The following RPAP1 variants were observed in gnomAD, a reference collection of about 807,000 sequenced individuals.
RPAP1 encodes the protein RNA polymerase II associated protein 1.
In RPAP1, 109 loss-of-function variants were observed where a neutral mutation model predicts 142.4. The ratio of observed to expected loss-of-function variants is 0.77; its 90% CI spans 0.66 to 0.90. RPAP1 has a LOEUF of 0.90. Ranked by LOEUF, RPAP1 falls within the 40% of genes least tolerant of loss-of-function variation. RPAP1 has a pLI of 0.00. For synonymous variants in RPAP1, 704 were observed against 738.9 expected (o/e 0.95, Z 0.77); for missense variants, 1,546 against 1,751.7 (o/e 0.88, Z 2.10).
chr15:41,517,906 A>C, intron 23 of RPAP1, 49 bp from the exon 24 acceptor site: 1 of 1,613,642 alleles, frequency 6.2e-7, no homozygotes, highest in Non-Finnish European at 8.5e-7. Flanking sequence ...GCTGGTACCC[A>C]CCACTGGCCT....
chr15:41,543,185 A>G (rs1239917437), intron 1 of RPAP1, among the ~76,000 whole-genome samples: 1 of 151,298 alleles, frequency 6.6e-6, no homozygotes, highest in East Asian at 1.9e-4. Flanking sequence ...AAATTAGGCA[A>G]ATTATCAATG....
rs2051809872 is a variant in RPAP1, at chr15:41,527,851, C to T, written c.1428+9G>A. 1.2e-6 allele frequency: 2 copies of T among 1,614,026 alleles called. No homozygotes were observed. Among genetic ancestry groups the T allele is most frequent in the Non-Finnish European group, 1.7e-6 (2 of 1,179,960 alleles). On this transcript the variant is annotated intron_variant, in intron 11 of 24. Transcript: ENST00000304330. ...CCCAGCCCAAGCCCCATTCCTATCCCTGTGGTACCTCATCTCCAGGAGCCA... is the reference window on the plus strand; with the variant it reads ...CCCAGCCCAAGCCCCATTCCTATCCTTGTGGTACCTCATCTCCAGGAGCCA...
chr15:41,524,353 G>C lies in RPAP1; in HGVS notation c.2076-99C>G, dbSNP rs1034993683. 9 of 1,051,734 alleles carry C rather than the reference G, an allele frequency of 8.6e-6. No homozygotes were observed. The African/African-American group carries it at 1.3e-4, about 15-fold the overall frequency. 65.2% of individuals were successfully genotyped at this position (1,051,734 alleles called of 1,614,324 possible). On this transcript the variant is annotated intron_variant, in intron 15 of 24. Transcript: ENST00000304330. Reference sequence around the variant, plus strand: ...CCCAGGGATCTGCAGTTTGATAAAGGAGGATGAGGAGGAAGAGTGGGGCAC... The same window carrying C: ...CCCAGGGATCTGCAGTTTGATAAAGCAGGATGAGGAGGAAGAGTGGGGCAC...
Position 41,531,156 on chromosome 15 carries a change from C to T in RPAP1, c.810G>A (p.Glu270=), listed in dbSNP as rs1254869390. ...CCTCAGAGGCTGTCTCTCCTGTTTG[C>T]TCTTGCGTGTGGCTGTGAGATCTCA... ...AFLRSHSHTQ[E]QTGETASEEQ... The change falls in exon 7 of 25, where the codon GAG becomes GAA. Residue 270 remains glutamate (E), a synonymous_variant. Transcript: ENST00000304330. 2 of 1,613,812 alleles carry T rather than the reference C, an allele frequency of 1.2e-6. No individual in the cohort carries two copies. Among genetic ancestry groups the T allele is most frequent in the Non-Finnish European group, 1.7e-6 (2 of 1,179,788 alleles).
chr15:41,525,464 A>G (rs7178957), intron 14 of RPAP1, among the ~76,000 whole-genome samples: 85,305 of 151,104 alleles, frequency 0.56, 24,529 homozygotes, highest in African/African-American at 0.67. Context: ...TCAGCCTCCC[A>G]AGTAGCTGGG....
intron 1 of RPAP1, among the ~76,000 whole-genome samples, chr15:41,537,706 A>G (rs2051926029): frequency 6.6e-6 from 1 of 151,862 alleles, no homozygotes; most frequent in Admixed American, 6.6e-5. Context: ...ACATGGTGAA[A>G]CCCCATCTCT....
Position 41,523,256 on chromosome 15 carries a change from C to A in RPAP1, c.2535G>T (p.Trp845Cys). 6.2e-7 allele frequency: 1 copy of A among 1,600,892 alleles called. No homozygotes were observed. ...LLSQPTLGSLWDSLRHCSLLC... is the reference protein window; with the variant it reads ...LLSQPTLGSLCDSLRHCSLLC... ...AACACAGTACATACCTAAGGGAATC[C>A]CACAGGCTGCCCAGTGTGGGCTGAC... Residue 845 changes from tryptophan to cysteine, a missense_variant, in exon 18 of 25, where the codon TGG becomes TGT. Physicochemically the swap from Trp to Cys is radical, Grantham distance 215. Transcript: ENST00000304330.
chr15:41,524,240 A>G lies in RPAP1; in HGVS notation c.2090T>C (p.Val697Ala). Reference sequence around the variant, plus strand: ...CACCACCTGCAAGGCCCGCATCAGCACTGGGTAGAGCTCCCTAGGGAAGAA... The same window carrying G: ...CACCACCTGCAAGGCCCGCATCAGCGCTGGGTAGAGCTCCCTAGGGAAGAA... ...GGYLYRELYP[V>A]LMRALQVVPR... The change falls in exon 16 of 25, where the codon GTG becomes GCG. Residue 697 changes from valine to alanine, a missense_variant. Val to Ala is a moderately conservative substitution (Grantham distance 64, BLOSUM62 0). Around this residue, in one of 3 missense-constraint regions of RPAP1, gnomAD observed 1,333 missense variants for 1,486.6 expected, o/e 0.90. Transcript: ENST00000304330. 2.0e-6 allele frequency: 3 copies of G among 1,536,550 alleles called. No homozygotes were observed. The highest frequency in any genetic ancestry group is 2.6e-6 in the Non-Finnish European group (3 of 1,142,258).
chr15:41,530,941 T>G, intron 7 of RPAP1, 82 bp downstream of exon 7: 9 of 1,360,190 alleles, frequency 6.6e-6, no homozygotes, highest in Non-Finnish European at 8.1e-6. Context: ...AGCTTCTCTC[T>G]TCTCTCATTT....
At chr15:41,524,321 G>T (rs2051766445) in intron 15 of RPAP1, 67 bp from the exon 16 acceptor site, 2 of 1,399,616 alleles carry the variant, frequency 1.4e-6, no homozygotes, top group South Asian at 1.5e-5. Context: ...ACAGGTCATG[G>T]CCCTGACCCA....
chr15:41,524,404 T>G, intron 15 of RPAP1, 150 bp from the exon 16 acceptor site: 1 of 569,116 alleles, frequency 1.8e-6, no homozygotes, highest in East Asian at 3.1e-5. Context: ...CCCTAAAGAA[T>G]GGAAAGGATG....
Position 41,521,799 on chromosome 15 carries a change from C to G in RPAP1, c.2977G>C (p.Gly993Arg). The change falls in exon 21 of 25, where the codon GGA becomes CGA. Residue 993 changes from glycine to arginine, a missense_variant. Coordinates refer to ENST00000304330, the MANE Select transcript of RPAP1 (RefSeq NM_015540.4). ...ALALLSRLLP[G>R]SEYLTHELLL... Reference sequence around the variant, plus strand: ...AGCTCATGGGTGAGGTACTCACTTCCGGGCAGCAGCCGGCTCAGCAGGGCC... The same window carrying G: ...AGCTCATGGGTGAGGTACTCACTTCGGGGCAGCAGCCGGCTCAGCAGGGCC... 6.2e-7 allele frequency: 1 copy of G among 1,614,150 alleles called. No homozygotes were observed. The highest frequency in any genetic ancestry group is 1.1e-5 in the South Asian group (1 of 91,088).
intron 8 of RPAP1, 138 bp from the exon 9 acceptor site, chr15:41,529,706 G>T: frequency 1.2e-6 from 1 of 846,792 alleles, no homozygotes; most frequent in Non-Finnish European, 1.9e-6. Context: ...ATCTGGCCTT[G>T]GGGGCCAGGC....
chr15:41,531,104 T>C lies in RPAP1; in HGVS notation c.862A>G (p.Asn288Asp). Residue 288 changes from asparagine (N) to aspartate (D), a missense_variant, in exon 7 of 25, where the codon AAT (asparagine) becomes GAT (aspartate). Physicochemically the swap from Asn to Asp is conservative, Grantham distance 23. Around this residue, in one of 3 missense-constraint regions of RPAP1, gnomAD observed 1,333 missense variants for 1,486.6 expected, o/e 0.90. Transcript: ENST00000304330. ...ATGAGGGGTTCCTCCTTGGTGACAT[T>C]AGCAGAGGGTCCTCCTGGCCTCTGC... is the stretch of plus-strand genomic sequence containing the variant. ...EEQRPGGPSANVTKEEPLMSA... is the reference protein window; with the variant it reads ...EEQRPGGPSADVTKEEPLMSA... 1 of 1,614,016 alleles carries C rather than the reference T, an allele frequency of 6.2e-7. No homozygotes were observed. Among genetic ancestry groups the C allele is most frequent in the African/African-American group, 1.3e-5 (1 of 75,006 alleles).
At chr15:41,535,429 G>T (rs1001669988) in intron 5 of RPAP1, 83 bp downstream of exon 5, 5 of 1,496,420 alleles carry the variant, frequency 3.3e-6, no homozygotes, top group Non-Finnish European at 4.5e-6. Flanking sequence ...CTCATTTGAG[G>T]CAGGAAGACA....
At chr15:41,520,020 G>A (rs1228523568) in intron 22 of RPAP1, 6 of 254,194 alleles carry the variant, frequency 2.4e-5, no homozygotes, top group African/African-American at 6.7e-5. Flanking sequence ...TGTAGCCTCC[G>A]CTTCCCGGGT....
Position 41,528,294 on chromosome 15 carries a change from T to A in RPAP1, c.1201A>T (p.Ser401Cys), listed in dbSNP as rs1360197877. ...AGTGCTCTCTGCTGGGAAACCTGGC[T>A]GCGGGTCAGGTGGAACAGCTCCTGT... ...SLQELFHLTR[S>C]QVSQQRALAL... The change falls in exon 10 of 25, where the codon AGC becomes TGC. Residue 401 changes from serine (S) to cysteine (C), a missense_variant. By Grantham distance (112) the Ser-to-Cys change is moderately radical. Transcript: ENST00000304330. The A allele has an allele frequency of 6.2e-7, 1 of 1,606,800 alleles. No homozygotes were observed. Among genetic ancestry groups the A allele is most frequent in the Admixed American group, 1.7e-5 (1 of 59,070 alleles).
intron 1 of RPAP1, among the ~76,000 whole-genome samples, chr15:41,542,840 A>G (rs1485868889): frequency 1.3e-5 from 2 of 152,230 alleles, no homozygotes; most frequent in Non-Finnish European, 2.9e-5. Flanking sequence ...CAAAGGGCAG[A>G]TAACCATATC....
chr15:41,529,105 G>A (rs1437740722), intron 9 of RPAP1, among the ~76,000 whole-genome samples: 1 of 152,222 alleles, frequency 6.6e-6, no homozygotes, highest in African/African-American at 2.4e-5. Flanking sequence ...GGGAGGCCGA[G>A]GCAGGCGGAT....
Sources: allele counts gnomAD v4.1 joint callset (sites outside exome capture counted in the v4.1 genomes callset), GRCh38; gene constraint gnomAD v4.1.1; regional missense constraint gnomAD v4.1.1; transcripts MANE v1.5; gene names NCBI Gene and HGNC (gene_info 2026-07-23, HGNC 2026-07-21).